The following QKI variants were observed in gnomAD, a reference collection of about 807,000 sequenced individuals.
QKI encodes QKI, KH domain containing RNA binding.
In QKI, 10 loss-of-function variants were observed where a neutral mutation model predicts 39.0. That is an observed-to-expected ratio of 0.26 (90% CI 0.16 to 0.43). The LOEUF is 0.43. QKI is among the 20% of genes least tolerant of loss of function. QKI has a pLI of 1.00. For synonymous variants in QKI, 204 were observed against 155.4 expected (o/e 1.31, Z -2.33); for missense variants, 218 against 428.0 (o/e 0.51, Z 4.33).
intron 1 of QKI, among the ~76,000 whole-genome samples, chr6:163,450,484 A>G (rs1271071386): frequency 2.6e-5 from 4 of 152,246 alleles, no homozygotes; most frequent in Admixed American, 6.5e-5. Context: ...CTGTTGAAAC[A>G]TGAAACCTAA....
At chr6:163,487,607 T>A (rs1484454485) in intron 3 of QKI, among the ~76,000 whole-genome samples, 1 of 152,114 alleles carries the variant, frequency 6.6e-6, no homozygotes, top group African/African-American at 2.4e-5. Flanking sequence ...CCTCCATTTC[T>A]CTTTCTTGGC....
chr6:163,482,232 A>T (rs551384177), intron 3 of QKI, among the ~76,000 whole-genome samples: 36 of 152,254 alleles, frequency 2.4e-4, no homozygotes, highest in African/African-American at 7.9e-4. Context: ...ATTCTGTGGT[A>T]CATTATTTTC....
At chr6:163,500,514 C>T (rs1778694712) in intron 3 of QKI, among the ~76,000 whole-genome samples, 2 of 152,024 alleles carry the variant, frequency 1.3e-5, no homozygotes, top group African/African-American at 4.8e-5. Flanking sequence ...CTTTTGTTTC[C>T]TTACCCAGGC....
intron 6 of QKI, chr6:163,564,393 G>A (rs1056987995): frequency 1.5e-6 from 2 of 1,296,926 alleles, no homozygotes; most frequent in Admixed American, 3.2e-5. Flanking sequence ...AGTATAAGTG[G>A]TCCGTTGTTG....
intron 1 of QKI, among the ~76,000 whole-genome samples, chr6:163,452,818 C>G (rs1388485595): frequency 6.6e-6 from 1 of 152,172 alleles, no homozygotes; most frequent in Non-Finnish European, 1.5e-5. Flanking sequence ...ATCTCCGCCT[C>G]CTGAGTACAA....
rs921026854 is a variant in QKI at position 163,572,054 on chromosome 6, T to C, written c.*1344T>C. Reference sequence around the variant, plus strand: ...CTTGATGCAAATTTGCCAAATCTGATACTGTGAAAAGATTTGATAACTTTT... The same window carrying C: ...CTTGATGCAAATTTGCCAAATCTGACACTGTGAAAAGATTTGATAACTTTT... On this transcript the variant is annotated 3_prime_UTR_variant, in exon 8 of 8. Coordinates refer to ENST00000361752, the MANE Select transcript of QKI (RefSeq NM_006775.3). 3.3e-5 allele frequency: 5 copies of C among 152,240 alleles called. No individual in the cohort carries two copies. Among genetic ancestry groups the C allele is most frequent in the African/African-American group, 1.2e-4 (5 of 41,472 alleles). The allele number at this position is 152,240 out of a possible 1,614,324, so 9.4% of individuals were successfully genotyped here.
chr6:163,505,288 C>T (rs549619468), intron 3 of QKI, among the ~76,000 whole-genome samples: 3 of 152,296 alleles, frequency 2.0e-5, no homozygotes, highest in Admixed American at 6.5e-5. Flanking sequence ...GTTGGAACCC[C>T]CACACAGAGT....
chr6:163,538,824 TGACA>T (rs1781350612), intron 4 of QKI, among the ~76,000 whole-genome samples: 1 of 152,178 alleles, frequency 6.6e-6, no homozygotes, highest in Non-Finnish European at 1.5e-5. Context: ...CTAGGAATTT[TGACA>T]GACTTGGTGT....
chr6:163,575,221 G>A lies in QKI; in HGVS notation c.*4511G>A, dbSNP rs1342475469. ...AATATACAAGTTGTCATGGTACCAT[G>A]TAACTTAAATTGATGAATTTCTATG... On this transcript the variant is annotated 3_prime_UTR_variant, in exon 8 of 8. Transcript: ENST00000361752. 1 of 152,182 alleles carries A rather than the reference G, an allele frequency of 6.6e-6. No homozygotes were observed. The highest frequency in any genetic ancestry group is 1.5e-5 in the Non-Finnish European group (1 of 68,040). The allele number at this position is 152,182 out of a possible 1,614,324, so 9.4% of individuals were successfully genotyped here.
chr6:163,466,014 A>G (rs1303172227), intron 2 of QKI, among the ~76,000 whole-genome samples: 2 of 151,714 alleles, frequency 1.3e-5, no homozygotes, highest in African/African-American at 4.8e-5. Context: ...AATCCCAGCT[A>G]CTTGGAAAGC....
chr6:163,519,968 C>T (rs1271612375), intron 3 of QKI, among the ~76,000 whole-genome samples: 1 of 152,102 alleles, frequency 6.6e-6, no homozygotes, highest in African/African-American at 2.4e-5. Flanking sequence ...TCTTAGGAAA[C>T]ATGGCTTTAA....
At chr6:163,464,955 T>C (rs1307550498) in intron 2 of QKI, among the ~76,000 whole-genome samples, 1 of 152,200 alleles carries the variant, frequency 6.6e-6, no homozygotes, top group Non-Finnish European at 1.5e-5. Flanking sequence ...GCAAACTGAA[T>C]TGAATAGCAC....
intron 4 of QKI, among the ~76,000 whole-genome samples, chr6:163,553,321 T>C (rs1458306424): frequency 6.6e-6 from 1 of 152,036 alleles, no homozygotes; most frequent in East Asian, 1.9e-4. Flanking sequence ...CAGGCAAGCC[T>C]CAAACTCCTG....
chr6:163,478,937 T>C (rs1792841772), intron 3 of QKI, 41 bp downstream of exon 3: 4 of 1,400,746 alleles, frequency 2.9e-6, no homozygotes, highest in Non-Finnish European at 4.0e-6. Flanking sequence ...TGTGAGTAAC[T>C]TACTATACTT....
intron 3 of QKI, among the ~76,000 whole-genome samples, chr6:163,482,883 C>T (rs1437939522): frequency 6.6e-6 from 1 of 152,170 alleles, no homozygotes; most frequent in Admixed American, 6.5e-5. Context: ...CAACATTCAG[C>T]CTTTCTCCCT....
At chr6:163,517,679 C>CT (rs1167770373) in intron 3 of QKI, among the ~76,000 whole-genome samples, 3 of 152,120 alleles carry the variant, frequency 2.0e-5, no homozygotes, top group African/African-American at 4.8e-5. Context: ...AAAAAATATA[C>CT]TTTATAGACC....
rs1783711578 is a variant in QKI, at chr6:163,571,719, T to TG, written c.*1009_*1010insG. ...TAGCATTTTATACTTTCAAGTGTTA[T>TG]AAAAAAAAAGAAAAAGAACAAAGAA... On this transcript the variant is annotated 3_prime_UTR_variant, in exon 8 of 8. Coordinates refer to ENST00000361752, the MANE Select transcript of QKI (RefSeq NM_006775.3). 6.7e-6 allele frequency: 1 copy of TG among 149,932 alleles called. No individual in the cohort carries two copies. Among genetic ancestry groups the TG allele is most frequent in the Non-Finnish European group, 1.5e-5 (1 of 67,534 alleles). The allele number at this position is 149,932 out of a possible 1,614,324, so 9.3% of individuals were successfully genotyped here.
At position 163,459,505 on chromosome 6, in the gene QKI, C is replaced by T. The variant is rs191002306; in HGVS notation, c.285+4084C>T. 3.1e-3 allele frequency among the ~76,000 whole-genome samples: 476 copies of T among 152,260 alleles called. 4 individuals carry two copies. Among genetic ancestry groups the T allele is most frequent in the African/African-American group, 0.01 (430 of 41,532 alleles). ...TGTCAGTAGTGCTGAGGTTGAGAAA[C>T]CCTGCGTTAGTGATACCAAGTCACT... On this transcript the variant is annotated intron_variant, in intron 2 of 7. Coordinates refer to ENST00000361752, the MANE Select transcript of QKI (RefSeq NM_006775.3).
chr6:163,415,403 T>C, intron 1 of QKI, 68 bp downstream of exon 1: 2 of 1,237,246 alleles, frequency 1.6e-6, no homozygotes, highest in Non-Finnish European at 2.2e-6. Flanking sequence ...CCGCTTGGGA[T>C]GGTGGGGAGG....
Sources: gnomAD v4.1 joint callset for allele counts (sites outside exome capture counted in the v4.1 genomes callset) on GRCh38, gnomAD v4.1.1 for gene constraint, MANE v1.5 for transcripts, NCBI Gene and HGNC (gene_info 2026-07-23, HGNC 2026-07-21) for gene names.